Variants in CTSD observed in about 807,000 individuals in gnomAD.
CTSD encodes ceroid-lipofuscinosis, neuronal 10.
In CTSD, 28 loss-of-function variants were observed where a neutral mutation model predicts 43.6. That is an observed-to-expected ratio of 0.64 (90% confidence interval 0.48 to 0.88). The LOEUF is 0.88. CTSD is among the 40% of genes least tolerant of loss of function. The pLI is 0.00. For missense variants in CTSD, 485 were observed against 555.2 expected (o/e 0.87, Z 1.27); for synonymous variants, 270 against 249.8 (o/e 1.08, Z -0.76).
Position 1,754,115 on chromosome 11 carries a change from G to A in CTSD, c.851C>T (p.Thr284Ile). The change falls in exon 7 of 9, where the codon ACC becomes ATC. Residue 284 changes from threonine to isoleucine, a missense_variant. By Grantham distance (89) the Thr-to-Ile change is moderately conservative (BLOSUM62 -1). Transcript: ENST00000236671. ...GGCCTCACAGCCCTCCTTGCACAGG[G>A]TCAGCCCGCTGGCCACCTCCACCCT... ...LDQVEVASGL[T>I]LCKEGCEAIV... 6.2e-7 allele frequency: 1 copy of A among 1,610,462 alleles called. No homozygotes were observed. The highest frequency in any genetic ancestry group is 8.5e-7 in the Non-Finnish European group (1 of 1,179,744).
Position 1,753,864 on chromosome 11 carries a change from G to A in CTSD, c.1010C>T (p.Ala337Val), listed in dbSNP as rs1057518324. ...TTTGCCTCCCAGCTTCAGTGTGATC[G>A]CGGGCAGGGTGGACACCTTCTCACA... Reference protein sequence around the residue: ...IPCEKVSTLPAITLKLGGKGY... With the variant: ...IPCEKVSTLPVITLKLGGKGY... Residue 337 changes from alanine (A) to valine (V), a missense_variant, in exon 8 of 9, where the codon GCG becomes GTG. By Grantham distance (64) the Ala-to-Val change is moderately conservative. Transcript: ENST00000236671. 6 of 1,613,504 alleles carry A rather than the reference G, an allele frequency of 3.7e-6. No individual in the cohort carries two copies. Among genetic ancestry groups the A allele is most frequent in the South Asian group, 3.3e-5 (3 of 91,062 alleles).
chr11:1,754,555 T>TGGAGGGATGGAGGGATGGAGGGGAG (rs1845782841), intron 6 of CTSD, among the ~76,000 whole-genome samples: 1 of 38,076 alleles, frequency 2.6e-5, no homozygotes, highest in African/African-American at 9.2e-5. Flanking sequence ...ATGGAGGGGA[T>TGGAGGGATGGAGGGATGGAGGGGAG]GGAGGGATGG....
Position 1,753,145 on chromosome 11 carries a change from G to T in CTSD, c.*358C>A, listed in dbSNP as rs542969755. 2 of 362,628 alleles carry T rather than the reference G, an allele frequency of 5.5e-6. No individual in the cohort carries two copies. The highest frequency in any genetic ancestry group is 1.1e-5 in the Non-Finnish European group (2 of 187,686). The allele number at this position is 362,628 out of a possible 1,614,324, so 22.5% of individuals were successfully genotyped here. ...GTGTGGGGTAGGGGCTCAGCCCAGC[G>T]GGCGCTGGTAGGGCCGGGGAGGGGA... On this transcript the variant is annotated 3_prime_UTR_variant, in exon 9 of 9. Coordinates refer to ENST00000236671, the MANE Select transcript of CTSD (RefSeq NM_001909.5).
At chr11:1,754,267 G>C in intron 6 of CTSD, 129 bp from the exon 7 acceptor site, 1 of 1,137,376 alleles carries the variant, frequency 8.8e-7, no homozygotes, top group Non-Finnish European at 1.3e-6. Flanking sequence ...TGGAAGCACA[G>C]CCGGCTGTAA....
chr11:1,753,209 C>G lies in CTSD; in HGVS notation c.*294G>C, dbSNP rs188150239. On this transcript the variant is annotated 3_prime_UTR_variant, in exon 9 of 9. Coordinates refer to ENST00000236671, the MANE Select transcript of CTSD (RefSeq NM_001909.5). ...AAGGGAGCCCCAGGATACACGAGCT[C>G]GGCTGCCAAGCTTGGGTGGGGTCTT... 124 of 477,352 alleles carry G rather than the reference C, an allele frequency of 2.6e-4. No homozygotes were observed. Among genetic ancestry groups the G allele is most frequent in the African/African-American group, 2.3e-3 (115 of 51,108 alleles). The allele number at this position is 477,352 out of a possible 1,614,324, so 29.6% of individuals were successfully genotyped here.
chr11:1,756,281 GCCTCCCCTGTGCC>G (rs1159492089), intron 5 of CTSD, among the ~76,000 whole-genome samples: 1 of 152,208 alleles, frequency 6.6e-6, no homozygotes, highest in Non-Finnish European at 1.5e-5. Context: ...TCACCTGGCT[GCCTCCCCTGTGCC>G]CCAAGGCTCC....
intron 1 of CTSD, chr11:1,761,703 C>T: frequency 1.7e-6 from 1 of 590,428 alleles, no homozygotes; most frequent in East Asian, 3.0e-5. Context: ...GGTCACCCGC[C>T]ACCCACCTCA....
Position 1,753,796 on chromosome 11 carries a change from C to T in CTSD, c.1071+7G>A, listed in dbSNP as rs374010531. ...CTGGGGCGTGCGGCACCCCATTGCC[C>T]GCTCACCTTGAGCGTGTAGTCCTCT... On this transcript the variant is annotated splice_region_variant and intron_variant, in intron 8 of 8. Coordinates refer to ENST00000236671, the MANE Select transcript of CTSD (RefSeq NM_001909.5). The T allele has an allele frequency of 2.6e-4, 423 of 1,613,256 alleles. 2 individuals carry two copies. The highest frequency in any genetic ancestry group is 3.3e-4 in the Admixed American group (20 of 60,004).
rs539003212 is a variant in CTSD at position 1,752,948 on chromosome 11, G to A, written c.*555C>T. On this transcript the variant is annotated 3_prime_UTR_variant, in exon 9 of 9. Transcript: ENST00000236671. ...CACCCTGCAGGCTCCAACAAGGTGG[G>A]TTTTGTCCCCTCTCACTCCTTCCAG... The A allele has an allele frequency of 9.7e-5, 19 of 196,572 alleles. No homozygotes were observed. In the South Asian group the frequency reaches 1.0e-3, roughly 10 times the overall value. 12.2% of individuals were successfully genotyped at this position (196,572 alleles called of 1,614,324 possible). A position where few individuals can be genotyped will look rare whatever the true frequency, so the allele number is the denominator to read the frequency against.
At chr11:1,755,197 C>G in intron 5 of CTSD, 169 bp from the exon 6 acceptor site, 2 of 793,308 alleles carry the variant, frequency 2.5e-6, no homozygotes, top group Non-Finnish European at 4.2e-6. Context: ...GGACAGACTC[C>G]CTTCTTCCCG....
intron 6 of CTSD, among the ~76,000 whole-genome samples, chr11:1,754,449 GGATAGACA>G (rs1340115273): frequency 3.5e-4 from 47 of 133,608 alleles, no homozygotes; most frequent in Non-Finnish European, 6.3e-4. Flanking sequence ...AGGGATGGAG[GGATAGACA>G]GATGGAGGGG....
chr11:1,757,633 C>A, intron 4 of CTSD, 77 bp from the exon 5 acceptor site: 1 of 1,255,694 alleles, frequency 8.0e-7, no homozygotes, highest in Non-Finnish European at 1.1e-6. Flanking sequence ...GGCTACAAAA[C>A]CCAGTTCAAT....
chr11:1,759,180 G>T, intron 3 of CTSD, 93 bp from the exon 4 acceptor site: 1 of 1,057,700 alleles, frequency 9.5e-7, no homozygotes, highest in Non-Finnish European at 1.5e-6. Context: ...CATGGAGCCC[G>T]CACCCCCCAA....
At chr11:1,754,169 C>G in intron 6 of CTSD, 31 bp from the exon 7 acceptor site, 1 of 1,600,380 alleles carries the variant, frequency 6.2e-7, no homozygotes, top group Non-Finnish European at 8.5e-7. Context: ...AAGCCCCTGC[C>G]GGGACTGGAG....
chr11:1,753,659 G>C lies in CTSD; in HGVS notation c.1083C>G (p.Ala361=), dbSNP rs770325576. 1 of 1,612,728 alleles carries C rather than the reference G, an allele frequency of 6.2e-7. No individual in the cohort carries two copies. Among genetic ancestry groups the C allele is most frequent in the Non-Finnish European group, 8.5e-7 (1 of 1,179,844 alleles). ...AGCCGCTCAGGCAGAGGGTCTTCCC[G>C]GCCTGCGACACCTGGGACGGCCCTG... ...PEDYTLKVSQ[A]GKTLCLSGFM... The change falls in exon 9 of 9, where the codon GCC becomes GCG. Residue 361 remains alanine (A), a synonymous_variant. Transcript: ENST00000236671.
intron 5 of CTSD, chr11:1,755,373 C>T: frequency 2.6e-6 from 1 of 384,938 alleles, no homozygotes; most frequent in Non-Finnish European, 5.0e-6. Context: ...AGGACCCTGT[C>T]TGTCTGTCTG....
intron 1 of CTSD, chr11:1,762,352 A>T (rs896655693): frequency 1.3e-5 from 2 of 152,318 alleles, no homozygotes; most frequent in African/African-American, 4.8e-5. Flanking sequence ...AGTAAGAGAG[A>T]GAGGGGTCCC....
Position 1,761,960 on chromosome 11 carries a change from G to A in CTSD, c.69-492C>T, listed in dbSNP as rs560102873. The A allele has an allele frequency of 5.1e-5, 10 of 196,532 alleles. 1 individual carries two copies. In the East Asian group the frequency reaches 9.3e-4, roughly 18 times the overall value. The allele number at this position is 196,532 out of a possible 1,614,324, so 12.2% of individuals were successfully genotyped here. Reference sequence around the variant, plus strand: ...GCTCTCCACCCCCAGACACCTGCACGAAGGTGGCCCCACCTCCAGGCTGGC... The same window carrying A: ...GCTCTCCACCCCCAGACACCTGCACAAAGGTGGCCCCACCTCCAGGCTGGC... On this transcript the variant is annotated intron_variant, in intron 1 of 8. Transcript: ENST00000236671.
intron 2 of CTSD, 113 bp from the exon 3 acceptor site, chr11:1,759,752 C>T: frequency 8.7e-7 from 1 of 1,153,712 alleles, no homozygotes; most frequent in Non-Finnish European, 1.2e-6. Context: ...GGAGGGGCAT[C>T]ACGGGGCCCA....
Sources: gnomAD v4.1 joint callset for allele counts (sites outside exome capture counted in the v4.1 genomes callset) on GRCh38, gnomAD v4.1.1 for gene constraint, MANE v1.5 for transcripts, NCBI Gene and HGNC (gene_info 2026-07-23, HGNC 2026-07-21) for gene names.